Variants in RAI1 observed in about 807,000 individuals in gnomAD.
RAI1 encodes the protein retinoic acid induced 1.
A neutral mutation model predicts 123.8 loss-of-function variants in RAI1; 9 were observed. The observed-to-expected ratio is 0.07, with a 90% CI of 0.04 to 0.13. RAI1 has a LOEUF of 0.13. RAI1 is among the 10% of genes least tolerant of loss of function. RAI1 has a pLI of 1.00. For missense variants in RAI1, 2,256 were observed against 2,545.8 expected (o/e 0.89, Z 2.45); for synonymous variants, 1,231 against 1,127.3 (o/e 1.09, Z -1.84).
intron 2 of RAI1, among the ~76,000 whole-genome samples, chr17:17,762,976 T>C (rs1442848355): frequency 6.6e-6 from 1 of 151,980 alleles, no homozygotes; most frequent in Admixed American, 6.5e-5. Flanking sequence ...CCGCTGGCAT[T>C]TGTAGCTGGG....
intron 2 of RAI1, among the ~76,000 whole-genome samples, chr17:17,768,354 C>T (rs768428178): frequency 2.1e-4 from 32 of 152,336 alleles, no homozygotes; most frequent in Middle Eastern, 3.4e-3. Flanking sequence ...CCTACATTTT[C>T]ATTTTGCACT....
rs2032138956 is a variant in RAI1, at chr17:17,794,145, C to T, written c.1197C>T (p.Ser399=). The change falls in exon 3 of 6, where the codon TCC becomes TCT. Residue 399 remains serine (S), a synonymous_variant. Coordinates refer to ENST00000353383, the MANE Select transcript of RAI1 (RefSeq NM_030665.4). ...HSHFMPLLNP[S]PTDATSSVDT... ...ACTTCATGCCCCTGCTCAATCCCTCCCCAACGGATGCCACCAGCTCTGTGG... is the reference window on the plus strand; with the variant it reads ...ACTTCATGCCCCTGCTCAATCCCTCTCCAACGGATGCCACCAGCTCTGTGG... The T allele has an allele frequency of 1.2e-6, 2 of 1,614,050 alleles. No individual in the cohort carries two copies. Among genetic ancestry groups the T allele is most frequent in the Admixed American group, 3.3e-5 (2 of 60,034 alleles).
intron 1 of RAI1, among the ~76,000 whole-genome samples, chr17:17,698,507 ATG>A (rs1238115824): frequency 1.3e-5 from 2 of 152,024 alleles, no homozygotes; most frequent in African/African-American, 2.4e-5. Flanking sequence ...TTTATATTGA[ATG>A]TGTCTGTCAC....
At chr17:17,798,534 G>C in intron 3 of RAI1, 21 bp downstream of exon 3, 2 of 1,597,976 alleles carry the variant, frequency 1.3e-6, no homozygotes, top group Non-Finnish European at 1.7e-6. Context: ...AGCCCAGCCA[G>C]GGTGGGGAGT....
chr17:17,746,634 C>CTTTTTTTTTTT (rs377692656), intron 2 of RAI1, among the ~76,000 whole-genome samples: 41 of 120,366 alleles, frequency 3.4e-4, no homozygotes, highest in Non-Finnish European at 5.1e-4. Context: ...CTTTTCTTTT[C>CTTTTTTTTTTT]TTTTTTTTTT....
intron 2 of RAI1, among the ~76,000 whole-genome samples, chr17:17,791,522 T>C (rs1321303260): frequency 1.3e-5 from 2 of 152,134 alleles, no homozygotes; most frequent in Non-Finnish European, 2.9e-5. Flanking sequence ...GGAATCTTTG[T>C]AGCCTGAGGC....
At chr17:17,715,473 C>A (rs1406508329) in intron 1 of RAI1, among the ~76,000 whole-genome samples, 1 of 152,236 alleles carries the variant, frequency 6.6e-6, no homozygotes, top group Non-Finnish European at 1.5e-5. Flanking sequence ...TCCAGCTCTG[C>A]ATGCCACCCC....
rs371190534 is a variant in RAI1 at position 17,794,013 on chromosome 17, C to T, written c.1065C>T (p.Ser355=). Residue 355 remains serine, a synonymous_variant, in exon 3 of 6, where the codon TCC becomes TCT. Coordinates refer to ENST00000353383, the MANE Select transcript of RAI1 (RefSeq NM_030665.4). ...SPARSVGRSP[S]YSSTPSPLMP... ...CCCGCTCCGTGGGCCGCTCACCTTC[C>T]TACAGTTCCACACCGTCGCCGCTGA... 2 of 1,613,996 alleles carry T rather than the reference C, an allele frequency of 1.2e-6. No individual in the cohort carries two copies. The highest frequency in any genetic ancestry group is 8.5e-7 in the Non-Finnish European group (1 of 1,180,006).
intron 2 of RAI1, among the ~76,000 whole-genome samples, chr17:17,773,265 C>A (rs1206807051): frequency 6.6e-6 from 1 of 152,142 alleles, no homozygotes; most frequent in Non-Finnish European, 1.5e-5. Flanking sequence ...AGCTCCTGTG[C>A]CCAGCGTGGA....
At chr17:17,709,050 G>A (rs952372215) in intron 1 of RAI1, among the ~76,000 whole-genome samples, 5 of 152,232 alleles carry the variant, frequency 3.3e-5, no homozygotes, top group African/African-American at 7.2e-5. Flanking sequence ...CCAGAGAGTG[G>A]AAGGGAAGGA....
chr17:17,732,928 G>A (rs567871131), intron 2 of RAI1, among the ~76,000 whole-genome samples: 95 of 152,326 alleles, frequency 6.2e-4, no homozygotes, highest in South Asian at 3.1e-3. Context: ...CCCCCAGGTG[G>A]GCGCTGTTTG....
intron 1 of RAI1, among the ~76,000 whole-genome samples, chr17:17,716,381 CATTT>C (rs910673506): frequency 2.0e-5 from 3 of 152,188 alleles, no homozygotes; most frequent in Non-Finnish European, 2.9e-5. Flanking sequence ...GTGCATGTGT[CATTT>C]ATATGTATAC....
In RAI1 at chr17:17,751,792, A is replaced by G. The variant is rs117745110; in HGVS notation, c.-17+27633A>G. Reference sequence around the variant, plus strand: ...GAGGCCTGCCAGACCACCTTATTTAAAACTACGAACCTAGTACCCGTTCCC... The same window carrying G: ...GAGGCCTGCCAGACCACCTTATTTAGAACTACGAACCTAGTACCCGTTCCC... On this transcript the variant is annotated intron_variant, in intron 2 of 5. Coordinates refer to ENST00000353383, the MANE Select transcript of RAI1 (RefSeq NM_030665.4). Among the ~76,000 whole-genome samples the G allele has an allele frequency of 1.9e-3, 296 of 152,094 alleles. 2 individuals are homozygous for G. The highest frequency in any genetic ancestry group is 0.014 in the Middle Eastern group (4 of 294).
At chr17:17,789,494 G>A (rs1364110341) in intron 2 of RAI1, among the ~76,000 whole-genome samples, 1 of 152,222 alleles carries the variant, frequency 6.6e-6, no homozygotes, top group Non-Finnish European at 1.5e-5. Flanking sequence ...CGCTGGCCTT[G>A]CACCGTAGGG....
chr17:17,791,322 A>G (rs943865355), intron 2 of RAI1, among the ~76,000 whole-genome samples: 1 of 152,124 alleles, frequency 6.6e-6, no homozygotes, highest in African/African-American at 2.4e-5. Context: ...ATCCCCAGAC[A>G]CTAAATGAGG....
intron 3 of RAI1, among the ~76,000 whole-genome samples, chr17:17,802,746 A>G (rs2032501458): frequency 6.6e-6 from 1 of 151,758 alleles, no homozygotes; most frequent in African/African-American, 2.4e-5. Flanking sequence ...ACTGCTCTCT[A>G]GCCTGGGCAA....
chr17:17,714,613 A>T lies in RAI1; in HGVS notation c.-148-9415A>T, dbSNP rs1279938419. On this transcript the variant is annotated intron_variant, in intron 1 of 5. Coordinates refer to ENST00000353383, the MANE Select transcript of RAI1 (RefSeq NM_030665.4). This position sits in a 1 kb window ranked among gnomAD's most constrained non-coding sequence, Gnocchi z 4.9. ...TTCTTCCCCATTTTAAAGGTGAAAA[A>T]CCTGAGGCTCAGAAACGTAACGGGA... is the stretch of plus-strand genomic sequence containing the variant. Among the ~76,000 whole-genome samples, 1 of 151,854 alleles carries T rather than the reference A, an allele frequency of 6.6e-6. No individual in the cohort carries two copies. Among genetic ancestry groups the T allele is most frequent in the Non-Finnish European group, 1.5e-5 (1 of 67,976 alleles).
At chr17:17,748,904 C>G (rs2030037624) in intron 2 of RAI1, among the ~76,000 whole-genome samples, 1 of 152,118 alleles carries the variant, frequency 6.6e-6, no homozygotes, top group Non-Finnish European at 1.5e-5. Flanking sequence ...CTAGCTGCAC[C>G]CCCCTCCCTG....
At chr17:17,688,798 C>T (rs1167329370) in intron 1 of RAI1, among the ~76,000 whole-genome samples, 1 of 151,802 alleles carries the variant, frequency 6.6e-6, no homozygotes, top group East Asian at 1.9e-4. Context: ...CGGGGTTTCA[C>T]CATGCTGGTC....
Sources: gnomAD v4.1 joint callset for allele counts (sites outside exome capture counted in the v4.1 genomes callset) on GRCh38, gnomAD v4.1.1 for gene constraint, Gnocchi (gnomAD v3.1) non-coding constraint, MANE v1.5 for transcripts, NCBI Gene and HGNC (gene_info 2026-07-23, HGNC 2026-07-21) for gene names.